The following DLG2 variants were observed in gnomAD, a reference collection of about 807,000 sequenced individuals.
DLG2 encodes discs large MAGUK scaffold protein 2.
DLG2 carries 45 observed loss-of-function variants against 132.5 expected under a neutral mutation model. That is an observed-to-expected ratio of 0.34 (90% confidence interval 0.27 to 0.44). The LOEUF (loss-of-function observed/expected upper bound fraction) is 0.44, where lower values mean the gene tolerates loss of function less well. Among genes scored for constraint, DLG2 ranks in the 20% least tolerant of loss-of-function variants. The pLI is 1.00. For missense variants in DLG2, 1,045 were observed against 1,196.9 expected (o/e 0.87, Z 1.87); for synonymous variants, 424 against 419.6 (o/e 1.01, Z -0.13).
chr11:83,456,064 A>G lies in DLG2; in HGVS notation c.*3754T>C, dbSNP rs1358844819. 6.5e-6 allele frequency: 1 copy of G among 152,752 alleles called. No homozygotes were observed. The highest frequency in any genetic ancestry group is 1.5e-5 in the Non-Finnish European group (1 of 68,116). 9.5% of individuals were successfully genotyped at this position (152,752 alleles called of 1,614,324 possible). On this transcript the variant is annotated 3_prime_UTR_variant, in exon 28 of 28. Transcript: ENST00000376104. ...GAAAAAGAAAGCTTATGAATGGGAAAAAAATGTCTCTCTCCAAACCAAGGT... is the reference window on the plus strand; with the variant it reads ...GAAAAAGAAAGCTTATGAATGGGAAGAAAATGTCTCTCTCCAAACCAAGGT...
chr11:83,753,851 ATCATATATATATT>A (rs1393844298), intron 18 of DLG2, among the ~76,000 whole-genome samples: 281 of 9,274 alleles, frequency 0.03, 27 homozygotes, highest in African/African-American at 0.16. Context: ...TATCATATAT[ATCATATATATATT>A]TCATATATAT....
intron 22 of DLG2, among the ~76,000 whole-genome samples, chr11:83,483,570 T>A (rs2093298180): frequency 6.6e-6 from 1 of 152,142 alleles, no homozygotes; most frequent in Non-Finnish European, 1.5e-5. Context: ...TTTTTGACCA[T>A]GGTCAATCAC....
At chr11:84,208,250 C>G (rs1323779371) in intron 8 of DLG2, among the ~76,000 whole-genome samples, 1 of 152,008 alleles carries the variant, frequency 6.6e-6, no homozygotes, top group East Asian at 1.9e-4. Context: ...TAAAACCAAA[C>G]TGTAACACAA....
chr11:84,919,007 A>C (rs1211822493), intron 6 of DLG2, among the ~76,000 whole-genome samples: 2 of 152,146 alleles, frequency 1.3e-5, no homozygotes, highest in African/African-American at 4.8e-5. Flanking sequence ...TAACATGTGA[A>C]TATGCATATA....
intron 3 of DLG2, among the ~76,000 whole-genome samples, chr11:85,396,455 A>G (rs555051009): frequency 6.6e-6 from 1 of 152,334 alleles, no homozygotes; most frequent in East Asian, 1.9e-4. Context: ...TAGGCTTCAG[A>G]AGGTCGGTAA....
At chr11:83,689,365 A>G (rs143179828) in intron 18 of DLG2, among the ~76,000 whole-genome samples, 82 of 152,322 alleles carry the variant, frequency 5.4e-4, no homozygotes, top group Non-Finnish European at 9.0e-4. Context: ...ACTTAATAAC[A>G]TAAGTACATG....
chr11:85,533,383 T>C (rs1293285021), intron 3 of DLG2, among the ~76,000 whole-genome samples: 6 of 151,254 alleles, frequency 4.0e-5, no homozygotes, highest in African/African-American at 1.5e-4. Context: ...TGGTTTTACT[T>C]GCTTTTTAAA....
At chr11:85,622,855 C>T (rs531671540) in intron 2 of DLG2, among the ~76,000 whole-genome samples, 8 of 152,094 alleles carry the variant, frequency 5.3e-5, no homozygotes, top group East Asian at 3.9e-4. Context: ...GTCAGGAGTT[C>T]GAGATCAGCC....
At chr11:84,346,098 T>C (rs1286181977) in intron 7 of DLG2, among the ~76,000 whole-genome samples, 1 of 152,322 alleles carries the variant, frequency 6.6e-6, no homozygotes. Flanking sequence ...TTACATATTA[T>C]TTCATAGCTG....
intron 5 of DLG2, among the ~76,000 whole-genome samples, chr11:85,142,712 T>G (rs1445178214): frequency 6.6e-6 from 1 of 151,806 alleles, no homozygotes; most frequent in African/African-American, 2.4e-5. Context: ...CATACATAGC[T>G]TTTAATTGTG....
chr11:85,198,555 A>G (rs1388722975), intron 4 of DLG2, among the ~76,000 whole-genome samples: 4 of 152,148 alleles, frequency 2.6e-5, no homozygotes, highest in African/African-American at 9.7e-5. Flanking sequence ...AGTAAAATTG[A>G]AGGCAAGTTT....
intron 6 of DLG2, among the ~76,000 whole-genome samples, chr11:84,894,027 A>G (rs1454465761): frequency 1.3e-5 from 2 of 152,132 alleles, no homozygotes; most frequent in African/African-American, 4.8e-5. Flanking sequence ...TGTAATGACT[A>G]TGGAAAACAG....
At chr11:83,944,058 G>A (rs982492888) in intron 14 of DLG2, among the ~76,000 whole-genome samples, 1 of 152,140 alleles carries the variant, frequency 6.6e-6, no homozygotes, top group African/African-American at 2.4e-5. Flanking sequence ...ATGTGATATG[G>A]AAGATAAAAA....
At chr11:84,856,090 T>C (rs563221814) in intron 6 of DLG2, among the ~76,000 whole-genome samples, 2 of 152,206 alleles carry the variant, frequency 1.3e-5, no homozygotes, top group Admixed American at 6.6e-5. Flanking sequence ...ATGCATTCCT[T>C]TTCATTACTC....
intron 6 of DLG2, among the ~76,000 whole-genome samples, chr11:85,007,477 G>A (rs372018664): frequency 2.6e-5 from 4 of 151,448 alleles, no homozygotes; most frequent in South Asian, 4.2e-4. Flanking sequence ...TGGCTAACAC[G>A]GTGAAACCCC....
chr11:84,681,357 G>C (rs2099729429), intron 6 of DLG2, among the ~76,000 whole-genome samples: 1 of 152,058 alleles, frequency 6.6e-6, no homozygotes, highest in Non-Finnish European at 1.5e-5. Context: ...TTTAAAGATG[G>C]ACAACCTGAA....
chr11:84,552,462 G>T (rs764071961), intron 6 of DLG2, among the ~76,000 whole-genome samples: 1 of 152,016 alleles, frequency 6.6e-6, no homozygotes, highest in African/African-American at 2.4e-5. Flanking sequence ...TGTCTTTAAC[G>T]TCAAAGTTCA....
chr11:83,696,982 G>C (rs10792691), intron 18 of DLG2, among the ~76,000 whole-genome samples: 50,730 of 152,078 alleles, frequency 0.33, 10,000 homozygotes, highest in African/African-American at 0.55. Flanking sequence ...AGCACCTTCA[G>C]AAAAGCAGAT....
chr11:84,876,909 ATTAT>A (rs1224525663), intron 6 of DLG2, among the ~76,000 whole-genome samples: 6 of 152,080 alleles, frequency 3.9e-5, no homozygotes, highest in African/African-American at 7.2e-5. Context: ...TTTCAAAGAA[ATTAT>A]TTATTTCTGC....
Sources: allele counts gnomAD v4.1 joint callset (sites outside exome capture counted in the v4.1 genomes callset), GRCh38; gene constraint gnomAD v4.1.1; transcripts MANE v1.5; gene names NCBI Gene and HGNC (gene_info 2026-07-23, HGNC 2026-07-21).